Variants in PLEC observed in about 807,000 individuals in gnomAD.
The protein encoded by PLEC is plectin, also known as hemidesmosomal protein 1.
A neutral mutation model predicts 392.8 loss-of-function variants in PLEC; 216 were observed. The ratio of observed to expected loss-of-function variants is 0.55; its 90% CI spans 0.49 to 0.62. PLEC has a LOEUF of 0.62. PLEC is among the 20% of genes least tolerant of loss of function. The pLI, the probability that PLEC is intolerant of heterozygous loss-of-function variation, is 0.00. For synonymous variants in PLEC, 3,621 were observed against 2,980.6 expected (o/e 1.21, Z -7.00); for missense variants, 6,863 against 6,563.4 (o/e 1.05, Z -1.58).
Position 143,916,810 on chromosome 8 carries a change from G to A in PLEC, c.13011C>T (p.Asn4337=). 1 of 1,613,204 alleles carries A rather than the reference G, an allele frequency of 6.2e-7. No individual in the cohort carries two copies. Among genetic ancestry groups the A allele is most frequent in the South Asian group, 1.1e-5 (1 of 91,080 alleles). The change falls in exon 32 of 32, where the codon AAC becomes AAT. Residue 4337 remains asparagine, a synonymous_variant. Transcript: ENST00000345136. The part of the protein sequence containing the change: ...GERFPVTDAV[N]KGLVDKIMVD... ...CCATGATCTTGTCCACCAGGCCCTT[G>A]TTGACGGCGTCGGTGACAGGGAAGC...
chr8:143,949,865 G>A (rs895668610), intron 1 of PLEC, among the ~76,000 whole-genome samples: 1 of 152,212 alleles, frequency 6.6e-6, no homozygotes, highest in Non-Finnish European at 1.5e-5. Context: ...AGGTCACTGG[G>A]ACAGGAGAGG....
In PLEC at chr8:143,922,041, G is replaced by A. The variant is rs1238411710; in HGVS notation, c.7780C>T (p.Leu2594=). Residue 2594 remains leucine (L), a synonymous_variant, in exon 32 of 32, where the codon CTG becomes TTG. Transcript: ENST00000345136. ...EELLAEENQR[L]REQLQLLEEQ... is the part of the protein sequence containing the mutation. ...TCCAGGAGCTGCAGCTGCTCACGCA[G>A]CCTCTGGTTCTCCTCAGCCAGCAGC... 6.3e-7 allele frequency: 1 copy of A among 1,595,370 alleles called. No individual in the cohort carries two copies.
rs1250590707 is a variant in PLEC, at chr8:143,930,238, T to C, written c.2518A>G (p.Lys840Glu). The C allele has an allele frequency of 6.3e-7, 1 of 1,596,562 alleles. No homozygotes were observed. The highest frequency in any genetic ancestry group is 1.7e-5 in the Admixed American group (1 of 58,910). ...LVGPAQPSHWKVLSSSGSEAA... is the reference protein window; with the variant it reads ...LVGPAQPSHWEVLSSSGSEAA... ...TCGCTGCCGGAGCTGCTGAGCACCT[T>C]CCAGTGGGACGGCTGTGCAGGGCCC... The change falls in exon 21 of 32, where the codon AAG (lysine) becomes GAG (glutamate). Residue 840 changes from lysine to glutamate, a missense_variant. Coordinates refer to ENST00000345136, the MANE Select transcript of PLEC (RefSeq NM_201384.3).
rs1262506255 is a variant in PLEC at position 143,923,010 on chromosome 8, A to G, written c.6919T>C (p.Leu2307=). The part of the protein sequence containing the change: ...AEEDLAQQRA[L]AEKMLKEKMQ... The stretch of plus-strand genomic sequence containing the variant: ...TTCTCCTTGAGCATCTTCTCTGCCA[A>G]GGCCCGCTGCTGTGCCAGGTCCTCC... The change falls in exon 31 of 32, where the codon TTG becomes CTG. Residue 2307 remains leucine (L), a synonymous_variant. Transcript: ENST00000345136. 6.2e-7 allele frequency: 1 copy of G among 1,611,568 alleles called. No homozygotes were observed. Among genetic ancestry groups the G allele is most frequent in the Admixed American group, 1.7e-5 (1 of 59,876 alleles).
intron 19 of PLEC, among the ~76,000 whole-genome samples, chr8:143,931,172 C>T (rs1261481671): frequency 2.0e-5 from 3 of 152,206 alleles, no homozygotes; most frequent in South Asian, 2.1e-4. Context: ...CAAGGGCTGG[C>T]GGCAGCTGCT....
upstream of PLEC, among the ~76,000 whole-genome samples, chr8:143,951,965 C>T (rs1483605419): frequency 4.6e-5 from 7 of 152,152 alleles, no homozygotes; most frequent in Non-Finnish European, 7.4e-5. Context: ...TCCATGGACC[C>T]CCACCCGTAT....
At position 143,933,303 on chromosome 8, in the gene PLEC, C is replaced by T. The variant is rs1827962024; in HGVS notation, c.1312G>A (p.Val438Met). 5.0e-6 allele frequency: 8 copies of T among 1,612,980 alleles called. No homozygotes were observed. Among genetic ancestry groups the T allele is most frequent in the Non-Finnish European group, 6.8e-6 (8 of 1,179,990 alleles). ...TCCGCCTTGTCCAAGTCCCGTTCCA[C>T]CTCCCCCGCCCGCTGTGGCACTTTG... is the stretch of plus-strand genomic sequence containing the variant. Reference protein sequence around the residue: ...AGKVPQRAGEVERDLDKADSM... With the variant: ...AGKVPQRAGEMERDLDKADSM... Residue 438 changes from valine (V) to methionine (M), a missense_variant, in exon 13 of 32, where the codon GTG (valine) becomes ATG (methionine). Coordinates refer to ENST00000345136, the MANE Select transcript of PLEC (RefSeq NM_201384.3).
At chr8:143,947,594 AC>A (rs1453484947) in intron 1 of PLEC, among the ~76,000 whole-genome samples, 2 of 151,986 alleles carry the variant, frequency 1.3e-5, no homozygotes, top group African/African-American at 2.4e-5. Context: ...AAAAAAAAAA[AC>A]AAAAATTAGC....
chr8:143,937,290 G>A (rs782479991), intron 3 of PLEC, 48 bp from the exon 4 acceptor site: 1 of 1,464,430 alleles, frequency 6.8e-7, no homozygotes, highest in South Asian at 1.1e-5. Flanking sequence ...CAGCTCCCGG[G>A]CCCCACCCTC....
chr8:143,919,463 T>C lies in PLEC; in HGVS notation c.10358A>G (p.Lys3453Arg). The change falls in exon 32 of 32, where the codon AAG becomes AGG. Residue 3453 changes from lysine to arginine, a missense_variant. Lys to Arg is a conservative substitution (Grantham distance 26, BLOSUM62 2). Transcript: ENST00000345136. ...GCCGTGCTGCCGGAGAACCAGGCCC[T>C]TCTGCATGGCCTGGAAGAGGGAGAT... Reference protein sequence around the residue: ...STISLFQAMQKGLVLRQHGIR... With the variant: ...STISLFQAMQRGLVLRQHGIR... The C allele has an allele frequency of 6.2e-7, 1 of 1,613,208 alleles. No individual in the cohort carries two copies. Among genetic ancestry groups the C allele is most frequent in the Non-Finnish European group, 8.5e-7 (1 of 1,179,836 alleles).
rs1554687337 is a variant in PLEC, at chr8:143,921,839, G to T, written c.7982C>A (p.Ala2661Asp). 1 of 1,605,246 alleles carries T rather than the reference G, an allele frequency of 6.2e-7. No individual in the cohort carries two copies. The change falls in exon 32 of 32, where the codon GCC becomes GAC. Residue 2661 changes from alanine to aspartate, a missense_variant. Ala to Asp is a moderately radical substitution (Grantham distance 126). Transcript: ENST00000345136. ...RKVSAQRLQE[A>D]GILSAEELQR... ...CAGCTCCTCCGCACTCAGGATGCCG[G>T]CCTCCTGCAGCCTCTGAGCTGACAC...
At chr8:143,949,601 G>A (rs1025436165) in intron 1 of PLEC, among the ~76,000 whole-genome samples, 5 of 152,320 alleles carry the variant, frequency 3.3e-5, no homozygotes, top group African/African-American at 2.4e-5. Flanking sequence ...CTGCCCTGCC[G>A]GAGGAGCCTC....
chr8:143,952,201 C>CAG, upstream of PLEC, among the ~76,000 whole-genome samples: 1 of 125,774 alleles, frequency 8.0e-6, no homozygotes, highest in Non-Finnish European at 1.7e-5. Context: ...CACACACACA[C>CAG]ACACACACGC....
intron 31 of PLEC, 28 bp downstream of exon 31, chr8:143,922,476 C>A: frequency 6.2e-7 from 1 of 1,603,392 alleles, no homozygotes; most frequent in Non-Finnish European, 8.5e-7. Flanking sequence ...CGGGCCCACC[C>A]GCCCGTCGCA....
rs369199750 is a variant in PLEC, at chr8:143,929,154, G to A, written c.3209C>T (p.Thr1070Met). 181 of 1,592,398 alleles carry A rather than the reference G, an allele frequency of 1.1e-4. No individual in the cohort carries two copies. The highest frequency in any genetic ancestry group is 1.4e-4 in the Non-Finnish European group (167 of 1,171,192). Residue 1070 changes from threonine to methionine, a missense_variant, in exon 25 of 32, where the codon ACG (threonine) becomes ATG (methionine). Thr to Met is a moderately conservative substitution (Grantham distance 81, BLOSUM62 -1). Coordinates refer to ENST00000345136, the MANE Select transcript of PLEC (RefSeq NM_201384.3). ...GCGGACCTGCTCCAGCTTGCCCAGC[G>A]TCAGCTCCAGCTCCGAGCGCAGCGT... ...APTLRSELEL[T>M]LGKLEQVRSL...
intron 1 of PLEC, 141 bp downstream of exon 1, chr8:143,939,209 G>A (rs1829908126): frequency 2.4e-5 from 28 of 1,177,754 alleles, no homozygotes; most frequent in South Asian, 4.2e-5. Context: ...CTCCGTGTTG[G>A]GTGGGGATGG....
intron 1 of PLEC, among the ~76,000 whole-genome samples, chr8:143,960,146 G>C (rs1832803892): frequency 6.6e-6 from 1 of 151,932 alleles, no homozygotes; most frequent in African/African-American, 2.4e-5. Context: ...GCTGGGCATG[G>C]TGGTGCATGC....
At chr8:143,927,148 C>G in intron 28 of PLEC, 67 bp from the exon 29 acceptor site, 1 of 1,560,368 alleles carries the variant, frequency 6.4e-7, no homozygotes, top group Non-Finnish European at 8.8e-7. Context: ...GCCCCTAAAC[C>G]CTCACATGGG....
At position 143,919,650 on chromosome 8, in the gene PLEC, C is replaced by A; in HGVS notation, c.10171G>T (p.Ala3391Ser). The A allele has an allele frequency of 6.3e-7, 1 of 1,589,556 alleles. No individual in the cohort carries two copies. The highest frequency in any genetic ancestry group is 8.5e-7 in the Non-Finnish European group (1 of 1,170,620). ...ACCAGGAAGCCAGTGGCCGCCTGCG[C>A]CTCCAGCAGGAGCGCAGCCGTTGTG... ...RATTAALLLE[A>S]QAATGFLVDP... is the part of the protein sequence containing the mutation. The change falls in exon 32 of 32, where the codon GCG becomes TCG. Residue 3391 changes from alanine (A) to serine (S), a missense_variant. Coordinates refer to ENST00000345136, the MANE Select transcript of PLEC (RefSeq NM_201384.3).
Sources: allele counts gnomAD v4.1 joint callset (sites outside exome capture counted in the v4.1 genomes callset), GRCh38; gene constraint gnomAD v4.1.1; transcripts MANE v1.5; gene names NCBI Gene and HGNC (gene_info 2026-07-23, HGNC 2026-07-21).